SCGB1D4: variants seen among roughly 807,000 people sequenced by gnomAD.
SCGB1D4 encodes IFN-gamma inducible SCGB (IIS).
SCGB1D4 carries 6 observed loss-of-function variants against 8.1 expected under a neutral mutation model. That is an observed-to-expected ratio of 0.74 (90% CI 0.40 to 1.45). The LOEUF (loss-of-function observed/expected upper bound fraction) is 1.45, where lower values mean the gene tolerates loss of function less well. Ranked by LOEUF, SCGB1D4 falls within the 40% of genes most tolerant of loss-of-function variation. The pLI is 0.02. For synonymous variants in SCGB1D4, 34 were observed against 38.1 expected, an observed-to-expected ratio of 0.89 and a Z score of 0.39; for missense variants, 93 against 95.0, an observed-to-expected ratio of 0.98 and a Z score of 0.09.
Position 62,296,282 on chromosome 11 carries a change from G to T in SCGB1D4, c.*128C>A. 1.2e-6 allele frequency: 1 copy of T among 858,598 alleles called. No homozygotes were observed. Among genetic ancestry groups the T allele is most frequent in the Non-Finnish European group, 2.0e-6 (1 of 500,208 alleles). 53.2% of individuals were successfully genotyped at this position (858,598 alleles called of 1,614,324 possible). A position where few individuals can be genotyped will look rare whatever the true frequency, so the allele number is the denominator to read the frequency against. ...ATCATAACAAGACCAGTGGAGATGT[G>T]CAGGGCAAGTGATTTATTAAAGCAA... On this transcript the variant is annotated 3_prime_UTR_variant, in exon 3 of 3. Transcript: ENST00000358585.
intron 1 of SCGB1D4, among the ~76,000 whole-genome samples, chr11:62,298,181 C>A (rs1039329183): frequency 2.0e-5 from 3 of 151,684 alleles, no homozygotes; most frequent in African/African-American, 7.3e-5. Context: ...AGACACCATG[C>A]CTGGCCCACA....
intron 1 of SCGB1D4, among the ~76,000 whole-genome samples, chr11:62,298,292 T>C (rs1338512106): frequency 6.6e-6 from 1 of 151,986 alleles, no homozygotes; most frequent in Non-Finnish European, 1.5e-5. Flanking sequence ...AGGGTGAGCA[T>C]TGTGCCCAAG....
Position 62,297,546 on chromosome 11 carries a change from A to G in SCGB1D4, c.168T>C (p.Leu56=). The G allele has an allele frequency of 6.2e-7, 1 of 1,614,152 alleles. No individual in the cohort carries two copies. Among genetic ancestry groups the G allele is most frequent in the East Asian group, 2.2e-5 (1 of 44,888 alleles). Residue 56 remains leucine (L), a synonymous_variant, in exon 2 of 3, where the codon CTT becomes CTC. Coordinates refer to ENST00000358585, the MANE Select transcript of SCGB1D4 (RefSeq NM_206998.2). ...AGTGCTTCACTTCCAACTTGGCTGC[A>G]AGAGCTTCTGGAGGTGGATTAAGTT... ...VAKLNPPPEA[L]AAKLEVKHCT...
At chr11:62,298,043 TGTG>T (rs1452553965) in intron 1 of SCGB1D4, among the ~76,000 whole-genome samples, 8 of 125,290 alleles carry the variant, frequency 6.4e-5, no homozygotes, top group Admixed American at 2.5e-4. Flanking sequence ...TGTGTGTGTG[TGTG>T]TTTTGTTTTG....
At chr11:62,297,698 GT>G (rs1945454259) in intron 1 of SCGB1D4, 40 bp from the exon 2 acceptor site, 1 of 1,577,442 alleles carries the variant, frequency 6.3e-7, no homozygotes, top group Non-Finnish European at 8.7e-7. Context: ...TGTTAGGAAA[GT>G]CGATTTTTCT....
Position 62,296,403 on chromosome 11 carries a change from T to C in SCGB1D4, c.*7A>G. On this transcript the variant is annotated 3_prime_UTR_variant, in exon 3 of 3. Transcript: ENST00000358585. The stretch of plus-strand genomic sequence containing the variant: ...CATTTTTACATGTCACACACCACAT[T>C]TTTTCACTATTTCCACCTGAAATCA... 6.2e-7 allele frequency: 1 copy of C among 1,612,004 alleles called. No homozygotes were observed. Among genetic ancestry groups the C allele is most frequent in the South Asian group, 1.1e-5 (1 of 90,876 alleles).
At chr11:62,297,811 T>A (rs1945455079) in intron 1 of SCGB1D4, among the ~76,000 whole-genome samples, 153 bp from the exon 2 acceptor site, 1 of 152,170 alleles carries the variant, frequency 6.6e-6, no homozygotes, top group Non-Finnish European at 1.5e-5. Context: ...GGTGTGACTT[T>A]CTCCGGGTCA....
rs1945452069 is a variant in SCGB1D4 at position 62,297,512 on chromosome 11, G to C, written c.202C>G (p.Gln68Glu). ...GAGAGTCGTTTCTTAAAAGATATCT[G>C]ATCGGTGCAGTGCTTCACTTCCAAC... ...AKLEVKHCTD[Q>E]ISFKKRLSLK... Residue 68 changes from glutamine to glutamate, a missense_variant, in exon 2 of 3, where the codon CAG becomes GAG. By Grantham distance (29) the Gln-to-Glu change is conservative. Coordinates refer to ENST00000358585, the MANE Select transcript of SCGB1D4 (RefSeq NM_206998.2). The C allele has an allele frequency of 2.5e-6, 4 of 1,608,168 alleles. No homozygotes were observed. Among genetic ancestry groups the C allele is most frequent in the Non-Finnish European group, 3.4e-6 (4 of 1,175,532 alleles).
chr11:62,297,494 G>A lies in SCGB1D4; in HGVS notation c.220C>T (p.Arg74Ter), dbSNP rs752348321. The change falls in exon 2 of 3, where the codon CGA becomes TGA. Residue 74 changes from arginine to a stop codon, truncating the protein, a stop_gained. Coordinates refer to ENST00000358585, the MANE Select transcript of SCGB1D4 (RefSeq NM_206998.2). LOFTEE classifies it low-confidence loss of function (END_TRUNC). The part of the protein sequence containing the change: ...HCTDQISFKK[R>*]LSLKKSWWK ...TACCAGGACTTTTTCAATGAGAGTC[G>A]TTTCTTAAAAGATATCTGATCGGTG... is the stretch of plus-strand genomic sequence containing the variant. 1.7e-5 allele frequency: 27 copies of A among 1,611,266 alleles called. No homozygotes were observed. The highest frequency in any genetic ancestry group is 1.6e-4 in the Middle Eastern group (1 of 6,072).
In SCGB1D4 at chr11:62,296,410, C is replaced by T; in HGVS notation, c.252G>A (p.Ter84=). 3 of 1,609,972 alleles carry T rather than the reference C, an allele frequency of 1.9e-6. No individual in the cohort carries two copies. The Admixed American group carries it at 5.0e-5, about 27-fold the overall frequency. Residue 84 remains the stop codon, a stop_retained_variant, in exon 3 of 3, where the codon TAG becomes TAA. Coordinates refer to ENST00000358585, the MANE Select transcript of SCGB1D4 (RefSeq NM_206998.2). ...RLSLKKSWWK[*] is the part of the protein sequence containing the mutation. Reference sequence around the variant, plus strand: ...ACATGTCACACACCACATTTTTTCACTATTTCCACCTGAAATCAAAAAAAA... The same window carrying T: ...ACATGTCACACACCACATTTTTTCATTATTTCCACCTGAAATCAAAAAAAA...
chr11:62,298,754 C>T (rs1282832269), intron 1 of SCGB1D4, among the ~76,000 whole-genome samples: 2 of 62,594 alleles, frequency 3.2e-5, no homozygotes, highest in East Asian at 9.5e-4. Context: ...AGCAAAACTT[C>T]TCAAAAAAAA....
At chr11:62,298,047 T>TGTGTGTG (rs1218181621) in intron 1 of SCGB1D4, among the ~76,000 whole-genome samples, 3 of 103,344 alleles carry the variant, frequency 2.9e-5, no homozygotes, top group African/African-American at 1.2e-4. Flanking sequence ...TGTGTGTGTG[T>TGTGTGTG]TTTGTTTTGT....
chr11:62,297,226 C>T (rs1344110075), intron 2 of SCGB1D4, among the ~76,000 whole-genome samples: 1 of 152,316 alleles, frequency 6.6e-6, no homozygotes, highest in East Asian at 1.9e-4. Flanking sequence ...ATCTCCCACA[C>T]TCCCTGGGAC....
intron 1 of SCGB1D4, among the ~76,000 whole-genome samples, chr11:62,298,684 C>T (rs553426179): frequency 1.3e-4 from 20 of 149,402 alleles, no homozygotes; most frequent in South Asian, 6.4e-4. Flanking sequence ...ACTTGAACCC[C>T]GGAGGCAGAG....
rs1945442650 is a variant in SCGB1D4 at position 62,296,519 on chromosome 11, C to T, written c.243-100G>A. The T allele has an allele frequency of 2.0e-5, 26 of 1,282,182 alleles. No individual in the cohort carries two copies. In the South Asian group the frequency reaches 2.9e-4, roughly 14 times the overall value. The allele number at this position is 1,282,182 out of a possible 1,614,324, so 79.4% of individuals were successfully genotyped here. The stretch of plus-strand genomic sequence containing the variant: ...TCAAAGAGGCCAATGGGATTTTGCC[C>T]CAATGGCAATTGGAAAGGCAGAGGC... On this transcript the variant is annotated intron_variant, in intron 2 of 2. Transcript: ENST00000358585.
At chr11:62,297,929 C>T (rs76279174) in intron 1 of SCGB1D4, among the ~76,000 whole-genome samples, 3,890 of 151,808 alleles carry the variant, frequency 0.026, 79 homozygotes, top group Middle Eastern at 0.048. Context: ...CTCACTGCAG[C>T]CTGAATGTCT....
chr11:62,297,365 A>ATC, intron 2 of SCGB1D4, 107 bp downstream of exon 2: 1 of 913,110 alleles, frequency 1.1e-6, no homozygotes, highest in Non-Finnish European at 1.7e-6. Context: ...TGTCCTCAGC[A>ATC]CACTCTGGGG....
intron 2 of SCGB1D4, 44 bp downstream of exon 2, chr11:62,297,428 A>T (rs1487852693): frequency 7.0e-7 from 1 of 1,429,094 alleles, no homozygotes. Context: ...GGCTGTGTGC[A>T]GCTGAGTTGA....
Position 62,298,051 on chromosome 11 carries a change from G to T in SCGB1D4, c.56-393C>A, listed in dbSNP as rs1041619633. ...GTGTGTGTGTGTGTGTGTGTGTTTT[G>T]TTTTGTTTTTTTTTTTTGTAGAGAT... is the stretch of plus-strand genomic sequence containing the variant. On this transcript the variant is annotated intron_variant, in intron 1 of 2. Transcript: ENST00000358585. 1.6e-3 allele frequency among the ~76,000 whole-genome samples: 176 copies of T among 108,502 alleles called. 5 individuals carry two copies. The highest frequency in any genetic ancestry group is 5.7e-3 in the African/African-American group (147 of 25,960). The allele number at this position is 108,502 out of a possible 152,430, so 71.2% of individuals were successfully genotyped here.
Sources: allele counts gnomAD v4.1 joint callset (sites outside exome capture counted in the v4.1 genomes callset), GRCh38; gene constraint gnomAD v4.1.1; transcripts MANE v1.5; gene names NCBI Gene and HGNC (gene_info 2026-07-23, HGNC 2026-07-21).